The following RAF1 variants were observed in gnomAD, a reference collection of about 807,000 sequenced individuals.
The protein encoded by RAF1 is Raf-1 proto-oncogene, serine/threonine kinase, also known as RAF proto-oncogene serine/threonine-protein kinase.
Under a neutral mutation model 81.1 loss-of-function variants are expected in RAF1, and 27 were observed. That is an observed-to-expected ratio of 0.33 (90% CI 0.25 to 0.46). RAF1 has a LOEUF of 0.46. RAF1 is among the 20% of genes least tolerant of loss of function. The pLI is 1.00. For missense variants in RAF1, 598 were observed against 826.0 expected (o/e 0.72, Z 3.38); for synonymous variants, 298 against 294.0 (o/e 1.01, Z -0.14).
In RAF1 at chr3:12,587,642, G is replaced by T. The variant is rs1235301663; in HGVS notation, c.1431-5C>A. On this transcript the variant is annotated splice_polypyrimidine_tract_variant and splice_region_variant and intron_variant, in intron 13 of 17. Coordinates refer to ENST00000442415, the MANE Select transcript of RAF1 (RefSeq NM_001354689.3). ...ATGTTCTTTGCATGCAAATAGCTGT[G>T]AAGGGAAAAGAAATTATTAAAAATA... 7 of 1,602,896 alleles carry T rather than the reference G, an allele frequency of 4.4e-6. No individual in the cohort carries two copies. Among genetic ancestry groups the T allele is most frequent in the Non-Finnish European group, 6.0e-6 (7 of 1,169,926 alleles).
At chr3:12,596,113 TCCTCCCAACTCAG>T (rs1353128968) in intron 11 of RAF1, among the ~76,000 whole-genome samples, 1 of 151,696 alleles carries the variant, frequency 6.6e-6, no homozygotes, top group Non-Finnish European at 1.5e-5. Flanking sequence ...GCTAAAGTGA[TCCTCCCAACTCAG>T]CCTCCCAAAG....
intron 5 of RAF1, chr3:12,608,427 A>G (rs1448430488): frequency 1.3e-5 from 4 of 297,462 alleles, no homozygotes; most frequent in African/African-American, 4.3e-5. Context: ...AGCAGTGTCT[A>G]CTAGCAACCC....
Position 12,587,574 on chromosome 3 carries a change from C to T in RAF1, c.1477+17G>A. On this transcript the variant is annotated intron_variant, in intron 14 of 17. Coordinates refer to ENST00000442415, the MANE Select transcript of RAF1 (RefSeq NM_001354689.3). ...TTAGAACCGAGCAGTCAAATGAACTCAACAACCAAAGGATACTGTTGGATT... is the reference window on the plus strand; with the variant it reads ...TTAGAACCGAGCAGTCAAATGAACTTAACAACCAAAGGATACTGTTGGATT... 1 of 1,602,328 alleles carries T rather than the reference C, an allele frequency of 6.2e-7. No homozygotes were observed. Among genetic ancestry groups the T allele is most frequent in the South Asian group, 1.1e-5 (1 of 90,828 alleles).
chr3:12,639,774 G>C (rs200303605), intron 1 of RAF1, among the ~76,000 whole-genome samples: 362 of 146,734 alleles, frequency 2.5e-3, no homozygotes, highest in East Asian at 4.2e-3. Flanking sequence ...AATCAATATC[G>C]TGAAAATGGC....
chr3:12,625,258 T>C (rs892436393), intron 1 of RAF1, among the ~76,000 whole-genome samples: 1 of 151,956 alleles, frequency 6.6e-6, no homozygotes, highest in Admixed American at 6.6e-5. Context: ...TAATTTTGTG[T>C]TTTTAGTGGA....
intron 8 of RAF1, among the ~76,000 whole-genome samples, chr3:12,600,860 C>G (rs1386864506): frequency 6.6e-6 from 1 of 152,200 alleles, no homozygotes; most frequent in Non-Finnish European, 1.5e-5. Context: ...CCGTGCCAAG[C>G]CTGGTATTAG....
Position 12,584,041 on chromosome 3 carries a change from CCTT to C in RAF1, c.*470_*472del. On this transcript the variant is annotated 3_prime_UTR_variant, in exon 18 of 18. Transcript: ENST00000442415. ...CTCGGCAGTCCTGGGCTGTTTGGTGCCTTATGTGCAAAATGTCTGGCGCTGCAC... is the reference window on the plus strand; with the variant it reads ...CTCGGCAGTCCTGGGCTGTTTGGTGCATGTGCAAAATGTCTGGCGCTGCAC... 1 of 277,554 alleles carries C rather than the reference CCTT, an allele frequency of 3.6e-6. No individual in the cohort carries two copies. Among genetic ancestry groups the C allele is most frequent in the East Asian group, 5.1e-5 (1 of 19,714 alleles). 17.2% of individuals were successfully genotyped at this position (277,554 alleles called of 1,614,324 possible). A position where few individuals can be genotyped will look rare whatever the true frequency, so the allele number is the denominator to read the frequency against.
chr3:12,651,919 G>C (rs1241306274), intron 1 of RAF1, among the ~76,000 whole-genome samples: 4 of 151,300 alleles, frequency 2.6e-5, no homozygotes, highest in African/African-American at 9.7e-5. Context: ...TGAGTCAGGA[G>C]AACTGCTTGA....
chr3:12,649,503 G>A (rs538045166), intron 1 of RAF1, among the ~76,000 whole-genome samples: 1 of 152,198 alleles, frequency 6.6e-6, no homozygotes, highest in African/African-American at 2.4e-5. Context: ...GGAGGCTGAG[G>A]CGGGAGGATC....
chr3:12,659,818 T>A (rs1000584556), intron 1 of RAF1, among the ~76,000 whole-genome samples: 2 of 152,206 alleles, frequency 1.3e-5, no homozygotes, highest in Non-Finnish European at 2.9e-5. Context: ...CATTAAGGCA[T>A]GCTGTTTGGC....
In RAF1 at chr3:12,609,248, G is replaced by C. The variant is rs2125419879; in HGVS notation, c.408C>G (p.Leu136=). 1 of 1,610,278 alleles carries C rather than the reference G, an allele frequency of 6.2e-7. No homozygotes were observed. Among genetic ancestry groups the C allele is most frequent in the Non-Finnish European group, 8.5e-7 (1 of 1,176,512 alleles). ...TGCAACTTACAAAGTTGTGTGTTGTGAGGGGAACATGATCCAGGAAATCTA... is the reference window on the plus strand; with the variant it reads ...TGCAACTTACAAAGTTGTGTGTTGTCAGGGGAACATGATCCAGGAAATCTA... Residue 136 remains leucine, a synonymous_variant, in exon 4 of 18, where the codon CTC becomes CTG. Coordinates refer to ENST00000442415, the MANE Select transcript of RAF1 (RefSeq NM_001354689.3).
rs539599862 is a variant in RAF1 at position 12,632,102 on chromosome 3, G to C, written c.-26-13355C>G. 2.0e-5 allele frequency among the ~76,000 whole-genome samples: 3 copies of C among 150,950 alleles called. No individual in the cohort carries two copies. The East Asian group carries it at 5.9e-4, about 29-fold the overall frequency. On this transcript the variant is annotated intron_variant, in intron 1 of 17. Transcript: ENST00000442415. Reference sequence around the variant, plus strand: ...CAGCAGTTTGGGAGGCCAAGGCAGGGGGATCATGAGGTCAGTAGTTCGAGA... The same window carrying C: ...CAGCAGTTTGGGAGGCCAAGGCAGGCGGATCATGAGGTCAGTAGTTCGAGA...
intron 1 of RAF1, among the ~76,000 whole-genome samples, chr3:12,663,016 C>A (rs187471270): frequency 6.6e-6 from 1 of 152,118 alleles, no homozygotes; most frequent in African/African-American, 2.4e-5. Context: ...AAGTTCCATT[C>A]CTTCTTCCCA....
At chr3:12,654,006 T>TC (rs200078743) in intron 1 of RAF1, among the ~76,000 whole-genome samples, 2,451 of 151,536 alleles carry the variant, frequency 0.016, 74 homozygotes, top group African/African-American at 0.057. Context: ...TTTTTTTTTT[T>TC]CAAGAGACAG....
At chr3:12,585,945 T>TTA in intron 14 of RAF1, 146 bp from the exon 14 acceptor site, 1 of 695,736 alleles carries the variant, frequency 1.4e-6, no homozygotes. Flanking sequence ...TTTCTGAAGT[T>TTA]CTTTAAAGTG....
Position 12,663,834 on chromosome 3 carries a change from A to C in RAF1, c.-48T>G. ...CTACCTGAGGGAGCCAGGCCGCCCCAACGTCCTGTCGTTCGGCGGCAGCTT... is the reference window on the plus strand; with the variant it reads ...CTACCTGAGGGAGCCAGGCCGCCCCCACGTCCTGTCGTTCGGCGGCAGCTT... On this transcript the variant is annotated 5_prime_UTR_variant, in exon 1 of 18. Transcript: ENST00000442415. The C allele has an allele frequency of 2.5e-6, 1 of 397,620 alleles. No individual in the cohort carries two copies. Among genetic ancestry groups the C allele is most frequent in the Non-Finnish European group, 4.4e-6 (1 of 225,458 alleles). The allele number at this position is 397,620 out of a possible 1,614,324, so 24.6% of individuals were successfully genotyped here. A position where few individuals can be genotyped will look rare whatever the true frequency, so the allele number is the denominator to read the frequency against.
chr3:12,658,398 T>C (rs900404893), intron 1 of RAF1, among the ~76,000 whole-genome samples: 4 of 151,228 alleles, frequency 2.6e-5, no homozygotes, highest in African/African-American at 9.7e-5. Flanking sequence ...AGTTAGGGAG[T>C]TCAAGACCAG....
rs1254590745 is a variant in RAF1 at position 12,584,309 on chromosome 3, C to A, written c.*205G>T. 4 of 625,970 alleles carry A rather than the reference C, an allele frequency of 6.4e-6. No homozygotes were observed. The highest frequency in any genetic ancestry group is 2.6e-5 in the Admixed American group (1 of 38,524). The allele number at this position is 625,970 out of a possible 1,614,324, so 38.8% of individuals were successfully genotyped here. A position where few individuals can be genotyped will look rare whatever the true frequency, so the allele number is the denominator to read the frequency against. On this transcript the variant is annotated 3_prime_UTR_variant, in exon 18 of 18. Coordinates refer to ENST00000442415, the MANE Select transcript of RAF1 (RefSeq NM_001354689.3). ...GTGGGGAGGGAGCAGGACACACCAG[C>A]ACTGCAAATGGCTTCCTTCTCCCAG...
At chr3:12,590,649 A>ATAAT in intron 13 of RAF1, 149 bp downstream of exon 12, 1 of 898,884 alleles carries the variant, frequency 1.1e-6, no homozygotes, top group African/African-American at 1.6e-5. Context: ...CTCATTCCTG[A>ATAAT]TAATTGGCCC....
Sources: gnomAD v4.1 joint callset for allele counts (sites outside exome capture counted in the v4.1 genomes callset) on GRCh38, gnomAD v4.1.1 for gene constraint, MANE v1.5 for transcripts, NCBI Gene and HGNC (gene_info 2026-07-23, HGNC 2026-07-21) for gene names.